SYNRG: variants seen among roughly 807,000 people sequenced by gnomAD.
SYNRG encodes synergin gamma, also known as AP1 gamma subunit binding protein 1.
In SYNRG, 37 loss-of-function variants were observed where a neutral mutation model predicts 130.9. The observed-to-expected ratio is 0.28, with a 90% CI of 0.22 to 0.37. The LOEUF (loss-of-function observed/expected upper bound fraction) is 0.37, where lower values mean the gene tolerates loss of function less well. Ranked by LOEUF, SYNRG falls within the 10% of genes least tolerant of loss-of-function variation. The pLI, the probability that SYNRG is intolerant of heterozygous loss-of-function variation, is 1.00. For missense variants in SYNRG, 1,338 were observed against 1,588.9 expected (o/e 0.84, Z 2.68); for synonymous variants, 539 against 568.1 (o/e 0.95, Z 0.73).
At chr17:37,548,411 G>A (rs2058446676) in intron 14 of SYNRG, among the ~76,000 whole-genome samples, 1 of 152,164 alleles carries the variant, frequency 6.6e-6, no homozygotes, top group African/African-American at 2.4e-5. Context: ...ATTTTGAATG[G>A]CAGGCCTGGC....
At chr17:37,525,739 G>T (rs755877849) in intron 19 of SYNRG, among the ~76,000 whole-genome samples, 1 of 152,140 alleles carries the variant, frequency 6.6e-6, no homozygotes, top group Non-Finnish European at 1.5e-5. Context: ...AGGCCAAGGC[G>T]GGCGGATCAC....
At chr17:37,575,512 T>C (rs1213345274) in intron 8 of SYNRG, among the ~76,000 whole-genome samples, 1 of 152,098 alleles carries the variant, frequency 6.6e-6, no homozygotes, top group East Asian at 1.9e-4. Flanking sequence ...CTTTTCTTTT[T>C]TTTTTCTTCT....
At chr17:37,563,024 A>C (rs1458519774) in intron 11 of SYNRG, among the ~76,000 whole-genome samples, 1 of 152,230 alleles carries the variant, frequency 6.6e-6, no homozygotes, top group East Asian at 1.9e-4. Flanking sequence ...CTTTAGGGTA[A>C]TGAACTACTG....
chr17:37,586,630 C>G, intron 3 of SYNRG, 81 bp from the exon 4 acceptor site: 2 of 1,508,930 alleles, frequency 1.3e-6, no homozygotes, highest in Non-Finnish European at 1.8e-6. Context: ...TCCATAAATT[C>G]TATCTTAATA....
chr17:37,566,687 GA>G (rs147684927), intron 11 of SYNRG, among the ~76,000 whole-genome samples: 11,479 of 151,858 alleles, frequency 0.076, 689 homozygotes, highest in Admixed American at 0.2. Context: ...ATTACATGGA[GA>G]TAATGCCACA....
In SYNRG at chr17:37,553,929, T is replaced by A; in HGVS notation, c.1794A>T (p.Gly598=). 1.2e-6 allele frequency: 2 copies of A among 1,611,518 alleles called. No homozygotes were observed. Among genetic ancestry groups the A allele is most frequent in the Non-Finnish European group, 8.5e-7 (1 of 1,179,538 alleles). ...GTGTTTGTTGTTTCTGTTGTATAGT[T>A]CCTGAGGGGAAGGATGGTGGAAAAG... The part of the protein sequence containing the change: ...DKTFPPSFPS[G]TIQQKQQTQV... The change falls in exon 14 of 22, where the codon GGA becomes GGT. Residue 598 remains glycine, a synonymous_variant. Coordinates refer to ENST00000612223, the MANE Select transcript of SYNRG (RefSeq NM_007247.6).
intron 11 of SYNRG, among the ~76,000 whole-genome samples, chr17:37,566,497 C>T (rs540745391): frequency 7.5e-5 from 11 of 146,708 alleles, no homozygotes; most frequent in Non-Finnish European, 1.5e-4. Flanking sequence ...ACAAACACTG[C>T]GGAAGGCCGC....
In SYNRG at chr17:37,553,901, C is replaced by T. The variant is rs1171112839; in HGVS notation, c.1822G>A (p.Val608Met). The change falls in exon 14 of 22, where the codon GTG becomes ATG. Residue 608 changes from valine (V) to methionine (M), a missense_variant. Val to Met is a conservative substitution (Grantham distance 21). Around this residue, in one of 3 missense-constraint regions of SYNRG, gnomAD observed 1,146 missense variants for 1,342.3 expected, o/e 0.85. Transcript: ENST00000612223. ...GTIQQKQQTQ[V>M]KNPLNLADLD... ...TCTGCTAAGTTCAGAGGGTTTTTCACTTGTGTTTGTTGTTTCTGTTGTATA... is the reference window on the plus strand; with the variant it reads ...TCTGCTAAGTTCAGAGGGTTTTTCATTTGTGTTTGTTGTTTCTGTTGTATA... 6.2e-7 allele frequency: 1 copy of T among 1,605,580 alleles called. No homozygotes were observed. The highest frequency in any genetic ancestry group is 8.5e-7 in the Non-Finnish European group (1 of 1,178,244).
In SYNRG at chr17:37,609,333, C is replaced by A. The variant is rs2064190329; in HGVS notation, c.23G>T (p.Gly8Val). MALRPGA[G>V]SGGGGAAGAG... is the part of the protein sequence containing the mutation. The stretch of plus-strand genomic sequence containing the variant: ...TCCCGCGGCCCCGCCGCCACCAGAA[C>A]CAGCTCCTGGCCGCAGCGCCATCTT... The change falls in exon 1 of 22, where the codon GGT becomes GTT. Residue 8 changes from glycine (G) to valine (V), a missense_variant. Around this residue, in one of 3 missense-constraint regions of SYNRG, gnomAD observed 184 missense variants for 217.2 expected, o/e 0.85. Transcript: ENST00000612223. The A allele has an allele frequency of 3.4e-6, 5 of 1,467,594 alleles. No homozygotes were observed. Among genetic ancestry groups the A allele is most frequent in the African/African-American group, 2.9e-5 (2 of 68,200 alleles). The allele number at this position is 1,467,594 out of a possible 1,614,324, so 90.9% of individuals were successfully genotyped here.
In SYNRG at chr17:37,539,160, C is replaced by T. The variant is rs200100832; in HGVS notation, c.3420+32G>A. 4,167 of 1,612,730 alleles carry T rather than the reference C, an allele frequency of 2.6e-3. 9 individuals are homozygous for T. Among genetic ancestry groups the T allele is most frequent in the Non-Finnish European group, 3.2e-3 (3,831 of 1,179,618 alleles). Reference sequence around the variant, plus strand: ...GCAAAAAGGCACAAAAGAGCACTCACATATGTGTGAACGCGTAAGTGACAT... The same window carrying T: ...GCAAAAAGGCACAAAAGAGCACTCATATATGTGTGAACGCGTAAGTGACAT... On this transcript the variant is annotated intron_variant, in intron 17 of 21. Transcript: ENST00000612223.
chr17:37,586,464 G>C lies in SYNRG; in HGVS notation c.326C>G (p.Pro109Arg), dbSNP rs139367298. Residue 109 changes from proline to arginine, a missense_variant, in exon 4 of 22, where the codon CCA becomes CGA. Physicochemically the swap from Pro to Arg is moderately radical, Grantham distance 103 (BLOSUM62 -2). Coordinates refer to ENST00000612223, the MANE Select transcript of SYNRG (RefSeq NM_007247.6). Reference sequence around the variant, plus strand: ...CTTCTGCATGTCTGGAGTGTACTGTGGGCCTGGAGGACGCATGCCCAGGAA... The same window carrying C: ...CTTCTGCATGTCTGGAGTGTACTGTCGGCCTGGAGGACGCATGCCCAGGAA... The part of the protein sequence containing the change: ...APFLGMRPPG[P>R]QYTPDMQKQF... 699 of 1,614,068 alleles carry C rather than the reference G, an allele frequency of 4.3e-4. No homozygotes were observed. Among genetic ancestry groups the C allele is most frequent in the Non-Finnish European group, 5.5e-4 (645 of 1,180,044 alleles).
intron 6 of SYNRG, among the ~76,000 whole-genome samples, chr17:37,582,199 T>TG (rs767622117): frequency 5.3e-5 from 8 of 152,166 alleles, no homozygotes; most frequent in Admixed American, 2.0e-4. Context: ...GTCTGAAAAA[T>TG]GGAGACCCTG....
intron 2 of SYNRG, among the ~76,000 whole-genome samples, chr17:37,598,555 T>C (rs1477964799): frequency 1.3e-5 from 2 of 152,302 alleles, no homozygotes; most frequent in Non-Finnish European, 2.9e-5. Context: ...GTGTACACAG[T>C]AAAAAATAGG....
intron 1 of SYNRG, among the ~76,000 whole-genome samples, chr17:37,605,350 G>T (rs1481965957): frequency 6.6e-6 from 1 of 152,124 alleles, no homozygotes; most frequent in Non-Finnish European, 1.5e-5. Context: ...TTGGAAACTC[G>T]TGTATATTTT....
At chr17:37,551,143 T>A (rs920846826) in intron 14 of SYNRG, among the ~76,000 whole-genome samples, 1 of 152,200 alleles carries the variant, frequency 6.6e-6, no homozygotes, top group African/African-American at 2.4e-5. Flanking sequence ...AGCTCACTTC[T>A]TATTTCTCCA....
At chr17:37,596,167 T>C in intron 3 of SYNRG, 56 bp downstream of exon 3, 2 of 1,587,200 alleles carry the variant, frequency 1.3e-6, no homozygotes, top group Non-Finnish European at 1.7e-6. Context: ...GCTCTTGATA[T>C]ATAAACGTAA....
chr17:37,561,734 T>C (rs542747190), intron 11 of SYNRG, 145 bp from the exon 12 acceptor site: 12 of 472,882 alleles, frequency 2.5e-5, no homozygotes, highest in Admixed American at 2.2e-4. Flanking sequence ...ATAGTATACA[T>C]ATATACCACA....
In SYNRG at chr17:37,519,882, G is replaced by A. The variant is rs117881563; in HGVS notation, c.3813+297C>T. On this transcript the variant is annotated intron_variant, in intron 21 of 21. Transcript: ENST00000612223. Reference sequence around the variant, plus strand: ...CTGAAGCTCTTTGATCTCCATCTGTGTGTCACTACAACTTCCAGGCTTCCA... The same window carrying A: ...CTGAAGCTCTTTGATCTCCATCTGTATGTCACTACAACTTCCAGGCTTCCA... Among the ~76,000 whole-genome samples, 414 of 152,300 alleles carry A rather than the reference G, an allele frequency of 2.7e-3. 1 individual carries two copies. The highest frequency in any genetic ancestry group is 4.7e-3 in the Non-Finnish European group (317 of 68,020).
rs989371065 is a variant in SYNRG, at chr17:37,596,341, C to A, written c.122G>T (p.Gly41Val). ...VAGGIRPPQA[G>V]LMPMQQQGFP... ...TCCTTGTTGCTGCATCGGCATCAGGCCTGCTGAAAATATAAAGACATTATT... is the reference window on the plus strand; with the variant it reads ...TCCTTGTTGCTGCATCGGCATCAGGACTGCTGAAAATATAAAGACATTATT... The change falls in exon 3 of 22, where the codon GGC becomes GTC. Residue 41 changes from glycine to valine, a missense_variant. Gly to Val is a moderately radical substitution (Grantham distance 109). This residue lies in a region of SYNRG where 184 missense variants were observed against 217.2 expected (regional missense o/e 0.85). Coordinates refer to ENST00000612223, the MANE Select transcript of SYNRG (RefSeq NM_007247.6). 1 of 1,613,466 alleles carries A rather than the reference C, an allele frequency of 6.2e-7. No individual in the cohort carries two copies. Among genetic ancestry groups the A allele is most frequent in the African/African-American group, 1.3e-5 (1 of 74,870 alleles).
Sources: allele counts gnomAD v4.1 joint callset (sites outside exome capture counted in the v4.1 genomes callset), GRCh38; gene constraint gnomAD v4.1.1; regional missense constraint gnomAD v4.1.1; transcripts MANE v1.5; gene names NCBI Gene and HGNC (gene_info 2026-07-23, HGNC 2026-07-21).